Variants in OR51B5 observed in about 807,000 individuals in gnomAD.
OR51B5 encodes olfactory receptor family 51 subfamily B member 5, also known as olfactory receptor 51B5.
For synonymous variants in OR51B5, 186 were observed against 144.8 expected, an observed-to-expected ratio of 1.28 and a Z score of -2.04; for missense variants, 456 against 374.6, an observed-to-expected ratio of 1.22 and a Z score of -1.79.
At chr11:5,356,434 T>C (rs1375454438) in intron 1 of OR51B5, among the ~76,000 whole-genome samples, 1 of 149,874 alleles carries the variant, frequency 6.7e-6, no homozygotes, top group South Asian at 2.1e-4. Flanking sequence ...GAAAAAAGAA[T>C]AAAAAGAAAT....
intron 1 of OR51B5, among the ~76,000 whole-genome samples, chr11:5,384,299 G>T (rs1294216050): frequency 6.6e-6 from 1 of 152,130 alleles, no homozygotes; most frequent in African/African-American, 2.4e-5. Flanking sequence ...ATTCTTCCAA[G>T]TTGCCAGGAT....
At chr11:5,441,092 G>A (rs1850680908) in intron 1 of OR51B5, 1 of 1,614,034 alleles carries the variant, frequency 6.2e-7, no homozygotes, top group Non-Finnish European at 8.5e-7. Context: ...CCAATATACG[G>A]TTGTGAGTGA....
chr11:5,478,551 T>C (rs1379596343), intron 1 of OR51B5, among the ~76,000 whole-genome samples: 1 of 150,184 alleles, frequency 6.7e-6, no homozygotes, highest in Admixed American at 6.6e-5. Flanking sequence ...CTTCAGACGA[T>C]CAAATTACTC....
chr11:5,390,401 C>A (rs764001992), intron 1 of OR51B5: 1 of 1,542,234 alleles, frequency 6.5e-7, no homozygotes, highest in Non-Finnish European at 8.8e-7. Flanking sequence ...AAAACTCCCC[C>A]TAGAGGCCTA....
At chr11:5,348,249 A>G (rs1175580420), upstream of OR51B5, among the ~76,000 whole-genome samples, 3 of 152,146 alleles carry the variant, frequency 2.0e-5, no homozygotes, top group African/African-American at 7.2e-5. Flanking sequence ...AAACAATTCT[A>G]CGAACAAACC....
chr11:5,482,083 TCA>T lies in OR51B5; in HGVS notation n.84+23484_84+23485del, dbSNP rs1851431966. 7.5e-5 allele frequency among the ~76,000 whole-genome samples: 9 copies of T among 120,128 alleles called. No individual in the cohort carries two copies. The South Asian group carries it at 3.1e-3, about 41-fold the overall frequency. The allele number at this position is 120,128 out of a possible 152,430, so 78.8% of individuals were successfully genotyped here. ...AGCCAAAAGAACAAAGCTGGAGGCA[TCA>T]CACTACCTGACTTCAAACTATACTA... On this transcript the variant is annotated intron_variant and non_coding_transcript_variant, in intron 1 of 4. Transcript: ENST00000415970.
intron 1 of OR51B5, among the ~76,000 whole-genome samples, chr11:5,479,496 A>G (rs1851379936): frequency 6.6e-6 from 1 of 150,386 alleles, no homozygotes; most frequent in African/African-American, 2.4e-5. Flanking sequence ...GACAGGATCA[A>G]ATTCACACAT....
chr11:5,505,526 G>T, intron 1 of OR51B5: 1 of 1,193,338 alleles, frequency 8.4e-7, no homozygotes. Context: ...AGATATACCC[G>T]AGACTGGGCA....
At chr11:5,420,318 C>A (rs1412819948) in intron 1 of OR51B5, among the ~76,000 whole-genome samples, 1 of 151,984 alleles carries the variant, frequency 6.6e-6, no homozygotes, top group Non-Finnish European at 1.5e-5. Flanking sequence ...ATAAAAATTT[C>A]TCTGTTATTT....
intron 1 of OR51B5, among the ~76,000 whole-genome samples, chr11:5,405,540 T>C (rs200292236): frequency 7.3e-6 from 1 of 137,556 alleles, no homozygotes; most frequent in East Asian, 2.2e-4. Flanking sequence ...TTTTTTTTTT[T>C]TCTACATTCT....
intron 1 of OR51B5, chr11:5,430,984 G>T (rs1850526438): frequency 2.2e-6 from 1 of 456,894 alleles, no homozygotes; most frequent in Non-Finnish European, 4.4e-6. Flanking sequence ...CCCGAAATTT[G>T]CGAGAACAAT....
intron 1 of OR51B5, among the ~76,000 whole-genome samples, chr11:5,373,465 C>G (rs1440252451): frequency 6.6e-6 from 1 of 152,080 alleles, no homozygotes; most frequent in African/African-American, 2.4e-5. Flanking sequence ...TAGGGAGTGC[C>G]AGACAGTGGG....
chr11:5,380,822 T>C (rs1849596827), intron 1 of OR51B5, among the ~76,000 whole-genome samples: 2 of 152,186 alleles, frequency 1.3e-5, no homozygotes, highest in Admixed American at 6.5e-5. Context: ...GTAGTGGGTA[T>C]TGAGGACACG....
At chr11:5,372,398 A>G (rs1362790599) in intron 1 of OR51B5, among the ~76,000 whole-genome samples, 7 of 152,148 alleles carry the variant, frequency 4.6e-5, no homozygotes, top group Non-Finnish European at 1.0e-4. Flanking sequence ...TATGCACAAG[A>G]GTTCTCCTTT....
chr11:5,439,084 T>TTC (rs1235140286), intron 1 of OR51B5, among the ~76,000 whole-genome samples: 2 of 148,830 alleles, frequency 1.3e-5, no homozygotes, highest in South Asian at 2.1e-4. Flanking sequence ...CAACTGTTCT[T>TTC]TCTCTCTCTC....
At chr11:5,343,358 G>A in exon 1 of OR51B5, 2 of 1,613,468 alleles carry the variant, frequency 1.2e-6, no homozygotes, top group Non-Finnish European at 1.7e-6. Context: ...GAAGTACATG[G>A]GCTCATGAAG....
intron 1 of OR51B5, among the ~76,000 whole-genome samples, chr11:5,412,838 T>C (rs538873991): frequency 0.026 from 3,878 of 146,688 alleles, 158 homozygotes; most frequent in African/African-American, 0.097. Context: ...CCTGCCTGCC[T>C]CTGTAGGCTC....
At chr11:5,484,955 G>T (rs1015227230) in intron 1 of OR51B5, among the ~76,000 whole-genome samples, 4 of 152,268 alleles carry the variant, frequency 2.6e-5, no homozygotes, top group African/African-American at 4.8e-5. Context: ...TATAGGTTTT[G>T]GTTGATTTTA....
At chr11:5,472,599 T>C (rs541010886) in intron 1 of OR51B5, among the ~76,000 whole-genome samples, 1 of 152,320 alleles carries the variant, frequency 6.6e-6, no homozygotes, top group African/African-American at 2.4e-5. Context: ...CTAAAAAATC[T>C]TGAGTGAAGG....
Sources: allele counts gnomAD v4.1 joint callset (sites outside exome capture counted in the v4.1 genomes callset), GRCh38; gene constraint gnomAD v4.1.1; transcripts MANE v1.5; gene names NCBI Gene and HGNC (gene_info 2026-07-23, HGNC 2026-07-21).